The following MOBP variants were observed in gnomAD, a reference collection of about 807,000 sequenced individuals.
The protein encoded by MOBP is myelin-associated oligodendrocyte basic protein.
A neutral mutation model predicts 15.0 loss-of-function variants in MOBP; 5 were observed. That is an observed-to-expected ratio of 0.33 (90% CI 0.17 to 0.70). The LOEUF (loss-of-function observed/expected upper bound fraction) is 0.70, where lower values mean the gene tolerates loss of function less well. Ranked by LOEUF, MOBP falls within the 30% of genes least tolerant of loss-of-function variation. The probability of loss-of-function intolerance (pLI) is 0.67; values close to 1 mark genes in which losing one functional copy is unlikely to be tolerated. For synonymous variants in MOBP, 88 were observed against 99.0 expected, an observed-to-expected ratio of 0.89 and a Z score of 0.66; for missense variants, 188 against 257.8, an observed-to-expected ratio of 0.73 and a Z score of 1.85.
exon 5 of MOBP, chr3:39,524,795 A>G (rs147744533): frequency 8.0e-4 from 122 of 152,300 alleles, no homozygotes; most frequent in Middle Eastern, 3.4e-3. Flanking sequence ...ATCATGAGAA[A>G]TTACCAAAAT....
At chr3:39,526,323 CTGTT>C (rs921448461), downstream of MOBP, 1 of 152,192 alleles carries the variant, frequency 6.6e-6, no homozygotes, top group African/African-American at 2.4e-5. Flanking sequence ...ACTGAATTCT[CTGTT>C]TGTCTGTTGT....
chr3:39,520,128 T>C (rs1332003447), downstream of MOBP, among the ~76,000 whole-genome samples: 1 of 152,160 alleles, frequency 6.6e-6, no homozygotes, highest in Non-Finnish European at 1.5e-5. Flanking sequence ...CTCTGATTTT[T>C]CCCAAACCAG....
intron 2 of MOBP, chr3:39,499,769 C>T: frequency 3.2e-6 from 1 of 310,530 alleles, no homozygotes; most frequent in Non-Finnish European, 6.3e-6. Context: ...TCACCTGCCT[C>T]ATTGCCTGTG....
chr3:39,480,401 G>A (rs768656397), intron 2 of MOBP, among the ~76,000 whole-genome samples: 1 of 152,094 alleles, frequency 6.6e-6, no homozygotes, highest in Non-Finnish European at 1.5e-5. Flanking sequence ...CATGCACAGC[G>A]GAACAGCCAT....
intron 2 of MOBP, among the ~76,000 whole-genome samples, chr3:39,487,414 G>A (rs1356153820): frequency 6.6e-6 from 1 of 150,628 alleles, no homozygotes; most frequent in Non-Finnish European, 1.5e-5. Flanking sequence ...TGTTCCACTT[G>A]TCTATTTCTG....
At chr3:39,499,987 A>G (rs1768241) in intron 2 of MOBP, 108,915 of 453,596 alleles carry the variant, frequency 0.24, 15,159 homozygotes, top group African/African-American at 0.46. Context: ...ATGCCATTGC[A>G]CCAGCACATT....
At chr3:39,492,390 G>A (rs1483963462) in intron 2 of MOBP, among the ~76,000 whole-genome samples, 2 of 152,132 alleles carry the variant, frequency 1.3e-5, no homozygotes, top group African/African-American at 4.8e-5. Context: ...AGGGAGGTGA[G>A]AAATAGTCAT....
chr3:39,470,727 T>C (rs1465497508), intron 1 of MOBP, among the ~76,000 whole-genome samples: 1 of 152,226 alleles, frequency 6.6e-6, no homozygotes, highest in Non-Finnish European at 1.5e-5. Context: ...ATGTCAAATT[T>C]AGTTTTTCCT....
At chr3:39,482,509 G>A (rs540332709) in intron 2 of MOBP, among the ~76,000 whole-genome samples, 4 of 151,936 alleles carry the variant, frequency 2.6e-5, no homozygotes, top group South Asian at 4.2e-4. Flanking sequence ...AAAATTAGCC[G>A]GCCGTGGTGG....
intron 2 of MOBP, among the ~76,000 whole-genome samples, chr3:39,483,314 C>G (rs1209965151): frequency 6.6e-6 from 1 of 152,218 alleles, no homozygotes; most frequent in Non-Finnish European, 1.5e-5. Flanking sequence ...TGGCATTTCA[C>G]TCAGCTGAGG....
chr3:39,502,922 G>A lies in MOBP; in HGVS notation c.*42G>A. ...TTGTTCCCCAGCCCTAAGGTTAGTAGTTGCTTCCTGTGTTTACTAACACCG... is the reference window on the plus strand; with the variant it reads ...TTGTTCCCCAGCCCTAAGGTTAGTAATTGCTTCCTGTGTTTACTAACACCG... On this transcript the variant is annotated 3_prime_UTR_variant, in exon 4 of 4. Transcript: ENST00000684792. This position sits in a 1 kb window ranked among gnomAD's most constrained non-coding sequence, Gnocchi z 6.3. 1.1e-6 allele frequency: 1 copy of A among 906,446 alleles called. No homozygotes were observed. The highest frequency in any genetic ancestry group is 1.6e-6 in the Non-Finnish European group (1 of 613,016). 56.2% of individuals were successfully genotyped at this position (906,446 alleles called of 1,614,324 possible). A position where few individuals can be genotyped will look rare whatever the true frequency, so the allele number is the denominator to read the frequency against.
chr3:39,472,461 C>T (rs946039422), intron 1 of MOBP, among the ~76,000 whole-genome samples: 2 of 152,176 alleles, frequency 1.3e-5, no homozygotes, highest in Non-Finnish European at 2.9e-5. Context: ...AGGAACTCAA[C>T]TACTGGGAAA....
intron 4 of MOBP, among the ~76,000 whole-genome samples, chr3:39,510,282 TA>T (rs1303158541): frequency 1.3e-5 from 2 of 152,088 alleles, no homozygotes; most frequent in East Asian, 3.8e-4. Context: ...GTTCTTCATT[TA>T]AAAAAATTGT....
chr3:39,495,067 A>G (rs1477548477), intron 2 of MOBP, among the ~76,000 whole-genome samples: 1 of 152,136 alleles, frequency 6.6e-6, no homozygotes, highest in South Asian at 2.1e-4. Flanking sequence ...TCCTGTACCC[A>G]GGAGTAAACT....
At chr3:39,478,839 T>G (rs1423074977) in intron 1 of MOBP, among the ~76,000 whole-genome samples, 1 of 141,976 alleles carries the variant, frequency 7.0e-6, no homozygotes, top group African/African-American at 2.9e-5. Flanking sequence ...CTTCTTCTTT[T>G]TTTTTCTTGA....
Position 39,480,056 on chromosome 3 carries a change from A to T in MOBP, c.-72A>T, listed in dbSNP as rs1483568907. ...CACTTTTAGGAAAAAAAAAAAAAGA[A>T]GCAAATGATACCAAGACAAGCTCAT... is the stretch of plus-strand genomic sequence containing the variant. On this transcript the variant is annotated 5_prime_UTR_variant, in exon 2 of 4. In the 5' UTR this introduces an upstream ATG that the reference lacks. Coordinates refer to ENST00000684792, the MANE Select transcript of MOBP (RefSeq NM_001393704.1). 6.6e-6 allele frequency: 1 copy of T among 151,418 alleles called. No individual in the cohort carries two copies. The highest frequency in any genetic ancestry group is 1.5e-5 in the Non-Finnish European group (1 of 67,912). The allele number at this position is 151,418 out of a possible 1,614,324, so 9.4% of individuals were successfully genotyped here.
At chr3:39,509,366 A>G (rs1272229492) in intron 4 of MOBP, among the ~76,000 whole-genome samples, 3 of 152,186 alleles carry the variant, frequency 2.0e-5, no homozygotes, top group Non-Finnish European at 1.5e-5. Flanking sequence ...GCTTATTGTT[A>G]ACACTTGGTA....
At position 39,470,015 on chromosome 3, in the gene MOBP, CTGAG is replaced by C. The variant is rs139585140; in HGVS notation, c.-89+2277_-89+2280del. On this transcript the variant is annotated intron_variant, in intron 1 of 3. Coordinates refer to ENST00000684792, the MANE Select transcript of MOBP (RefSeq NM_001393704.1). The stretch of plus-strand genomic sequence containing the variant: ...GTGTTGGAGTCATGTCTACTGCTCT[CTGAG>C]TATTAGTTTCATAAATATAATAATT... Among the ~76,000 whole-genome samples, 1,017 of 152,282 alleles carry C rather than the reference CTGAG, an allele frequency of 6.7e-3. 8 individuals are homozygous for C. Among genetic ancestry groups the C allele is most frequent in the African/African-American group, 0.024 (982 of 41,548 alleles).
intron 2 of MOBP, among the ~76,000 whole-genome samples, chr3:39,493,331 AG>A (rs1459280358): frequency 1.3e-5 from 2 of 152,236 alleles, no homozygotes; most frequent in Non-Finnish European, 2.9e-5. Flanking sequence ...TAATGATTAA[AG>A]ATAGCAAATT....
Sources: gnomAD v4.1 joint callset for allele counts (sites outside exome capture counted in the v4.1 genomes callset) on GRCh38, gnomAD v4.1.1 for gene constraint, Gnocchi (gnomAD v3.1) non-coding constraint, MANE v1.5 for transcripts, NCBI Gene and HGNC (gene_info 2026-07-23, HGNC 2026-07-21) for gene names.